CACNA1A: variants seen among roughly 807,000 people sequenced by gnomAD.
CACNA1A encodes the protein voltage-dependent P/Q-type calcium channel subunit alpha-1A.
Under a neutral mutation model 262.4 loss-of-function variants are expected in CACNA1A, and 57 were observed. The ratio of observed to expected loss-of-function variants is 0.22; its 90% CI spans 0.18 to 0.27. CACNA1A has a LOEUF of 0.27. Ranked by LOEUF, CACNA1A falls within the 10% of genes least tolerant of loss-of-function variation. CACNA1A has a pLI of 1.00. For synonymous variants in CACNA1A, 1,431 were observed against 1,419.3 expected (o/e 1.01, Z -0.18); for missense variants, 2,526 against 3,562.8 (o/e 0.71, Z 7.41).
chr19:13,308,052 A>C lies in CACNA1A; in HGVS notation c.1913+68T>G. 4 of 1,590,720 alleles carry C rather than the reference A, an allele frequency of 2.5e-6. No individual in the cohort carries two copies. The highest frequency in any genetic ancestry group is 3.4e-6 in the Non-Finnish European group (4 of 1,164,370). ...ACGAGGAAGGCAGCCTGCACGGTGG[A>C]GGGGACTGTGTGTTCCCTGAGCCTG... On this transcript the variant is annotated intron_variant, in intron 14 of 46. Coordinates refer to ENST00000360228, the MANE Select transcript of CACNA1A (RefSeq NM_001127222.2). The surrounding 1 kb of genome is among the most constrained non-coding windows in gnomAD (Gnocchi z 4.2).
chr19:13,234,223 G>A (rs1164971016), intron 34 of CACNA1A, among the ~76,000 whole-genome samples: 5 of 149,738 alleles, frequency 3.3e-5, no homozygotes, highest in Admixed American at 2.7e-4. Flanking sequence ...GGTGGCGGGC[G>A]CCTGTAGTCC....
At chr19:13,379,229 C>T (rs1420947899) in intron 3 of CACNA1A, among the ~76,000 whole-genome samples, 4 of 152,158 alleles carry the variant, frequency 2.6e-5, no homozygotes, top group Non-Finnish European at 4.4e-5. Context: ...AATCCTCCTG[C>T]CTTGGCCTCC....
chr19:13,438,572 C>T (rs1202061176), intron 3 of CACNA1A, among the ~76,000 whole-genome samples: 1 of 152,204 alleles, frequency 6.6e-6, no homozygotes, highest in Non-Finnish European at 1.5e-5. Flanking sequence ...GACCAGTCTG[C>T]AGCCAGCTAA....
At chr19:13,441,786 T>A (rs1263769870) in intron 3 of CACNA1A, among the ~76,000 whole-genome samples, 4 of 149,408 alleles carry the variant, frequency 2.7e-5, no homozygotes, top group Non-Finnish European at 5.9e-5. Context: ...AGGAGAGGAG[T>A]CATTAGGCAT....
chr19:13,451,644 T>C (rs1161677575), intron 3 of CACNA1A: 2 of 152,236 alleles, frequency 1.3e-5, no homozygotes, highest in African/African-American at 4.8e-5. Flanking sequence ...CAATAGGATA[T>C]GAATGGAACA....
At chr19:13,346,031 G>A (rs1211058499) in intron 6 of CACNA1A, among the ~76,000 whole-genome samples, 1 of 151,324 alleles carries the variant, frequency 6.6e-6, no homozygotes, top group African/African-American at 2.4e-5. Flanking sequence ...CTCCCAAGTA[G>A]CTGAGAGTAC....
chr19:13,235,193 G>C lies in CACNA1A; in HGVS notation c.5133+16C>G, dbSNP rs765151188. 1 of 1,607,170 alleles carries C rather than the reference G, an allele frequency of 6.2e-7. No homozygotes were observed. The highest frequency in any genetic ancestry group is 8.5e-7 in the Non-Finnish European group (1 of 1,176,546). On this transcript the variant is annotated intron_variant, in intron 33 of 46. Transcript: ENST00000360228. ...TCCTTGGGAGGCTCTGGGAACCTTA[G>C]GGACACGACACTCACCTGCATCCCA...
chr19:13,325,276 C>T (rs1018492088), intron 10 of CACNA1A, among the ~76,000 whole-genome samples: 9 of 150,122 alleles, frequency 6.0e-5, no homozygotes, highest in African/African-American at 2.2e-4. Flanking sequence ...AGGTGGGAGG[C>T]TCATTTGAAG....
intron 30 of CACNA1A, chr19:13,252,772 A>G (rs1279710999): frequency 2.7e-6 from 1 of 372,156 alleles, no homozygotes; most frequent in African/African-American, 2.1e-5. Flanking sequence ...AACTGGATAC[A>G]TAAGCAGCCA....
At chr19:13,215,502 A>G (rs1337190862) in intron 38 of CACNA1A, among the ~76,000 whole-genome samples, 1 of 150,958 alleles carries the variant, frequency 6.6e-6, no homozygotes, top group Non-Finnish European at 1.5e-5. Flanking sequence ...TATTTTTAGT[A>G]GAGACGGGGT....
intron 3 of CACNA1A, among the ~76,000 whole-genome samples, chr19:13,406,464 ATTAT>A (rs1257604944): frequency 5.1e-5 from 3 of 59,262 alleles, no homozygotes; most frequent in Non-Finnish European, 8.8e-5. Flanking sequence ...CAAAAAAAAA[ATTAT>A]ATATATATAT....
chr19:13,262,728 T>A lies in CACNA1A; in HGVS notation c.4089+6A>T, dbSNP rs916762079. ...CCCACCGCACCCCACCATCTCCCAATCTCACCTTGAGCTTTGGCAGCCGCT... is the reference window on the plus strand; with the variant it reads ...CCCACCGCACCCCACCATCTCCCAAACTCACCTTGAGCTTTGGCAGCCGCT... On this transcript the variant is annotated splice_donor_region_variant and intron_variant, in intron 25 of 46. Coordinates refer to ENST00000360228, the MANE Select transcript of CACNA1A (RefSeq NM_001127222.2). 4.4e-6 allele frequency: 7 copies of A among 1,573,982 alleles called. No homozygotes were observed. The African/African-American group carries it at 5.4e-5, about 12-fold the overall frequency.
At chr19:13,400,912 C>A (rs971478327) in intron 3 of CACNA1A, among the ~76,000 whole-genome samples, 10 of 152,178 alleles carry the variant, frequency 6.6e-5, no homozygotes, top group Non-Finnish European at 1.5e-5. Context: ...GCAACCTCCA[C>A]CTCCCAGGTT....
At chr19:13,307,955 T>C in intron 14 of CACNA1A, 101 bp from the exon 15 acceptor site, 1 of 1,396,938 alleles carries the variant, frequency 7.2e-7, no homozygotes, top group Non-Finnish European at 1.0e-6. Flanking sequence ...CTCCATCATC[T>C]CTGTCCCCAG....
At chr19:13,388,049 A>G (rs1330709481) in intron 3 of CACNA1A, among the ~76,000 whole-genome samples, 1 of 151,936 alleles carries the variant, frequency 6.6e-6, no homozygotes, top group East Asian at 1.9e-4. Flanking sequence ...GTGGCCCCCT[A>G]ACCTCAGGTT....
chr19:13,427,564 A>G (rs2060426570), intron 3 of CACNA1A, among the ~76,000 whole-genome samples: 1 of 152,158 alleles, frequency 6.6e-6, no homozygotes, highest in South Asian at 2.1e-4. Context: ...TTGCAACCCT[A>G]GAGTCTTCAG....
chr19:13,442,822 G>A (rs903753308), intron 3 of CACNA1A, among the ~76,000 whole-genome samples: 6 of 152,162 alleles, frequency 3.9e-5, no homozygotes, highest in Non-Finnish European at 2.9e-5. Flanking sequence ...AGATCAGGGA[G>A]GGGAAGGAAG....
At chr19:13,454,829 G>C (rs1426895211) in intron 2 of CACNA1A, among the ~76,000 whole-genome samples, 2 of 152,076 alleles carry the variant, frequency 1.3e-5, no homozygotes, top group South Asian at 4.2e-4. Context: ...TGGGCATGGT[G>C]GCACCTGTAG....
chr19:13,421,411 T>C (rs2060313673), intron 3 of CACNA1A, among the ~76,000 whole-genome samples: 1 of 152,058 alleles, frequency 6.6e-6, no homozygotes. Flanking sequence ...TCATGGAGCT[T>C]ACAATCTAAG....
Sources: allele counts gnomAD v4.1 joint callset (sites outside exome capture counted in the v4.1 genomes callset), GRCh38; gene constraint gnomAD v4.1.1; non-coding constraint Gnocchi (gnomAD v3.1); transcripts MANE v1.5; gene names NCBI Gene and HGNC (gene_info 2026-07-23, HGNC 2026-07-21).